The following ADAMTS3 variants were observed in gnomAD, a reference collection of about 807,000 sequenced individuals.
ADAMTS3 encodes A disintegrin and metalloproteinase with thrombospondin motifs 3.
A neutral mutation model predicts 129.0 loss-of-function variants in ADAMTS3; 73 were observed. The observed-to-expected ratio is 0.57, with a 90% CI of 0.47 to 0.69. ADAMTS3 has a LOEUF of 0.69. ADAMTS3 is among the 30% of genes least tolerant of loss of function. ADAMTS3 has a pLI of 0.00. For synonymous variants in ADAMTS3, 477 were observed against 510.8 expected, an observed-to-expected ratio of 0.93 and a Z score of 0.89; for missense variants, 1,457 against 1,514.5, an observed-to-expected ratio of 0.96 and a Z score of 0.63.
intron 10 of ADAMTS3, among the ~76,000 whole-genome samples, chr4:72,316,539 T>A (rs2109803511): frequency 6.6e-6 from 1 of 151,878 alleles, no homozygotes; most frequent in Admixed American, 6.6e-5. Flanking sequence ...CACAAAAAAA[T>A]TGGCCAGGCA....
At chr4:72,322,102 C>T (rs1427022652) in intron 6 of ADAMTS3, among the ~76,000 whole-genome samples, 1 of 152,144 alleles carries the variant, frequency 6.6e-6, no homozygotes, top group Non-Finnish European at 1.5e-5. Flanking sequence ...ATATACGGAT[C>T]ACATACTTTT....
Position 72,282,080 on chromosome 4 carries a change from C to G in ADAMTS3, c.*1056G>C, listed in dbSNP as rs1718361039. ...CCAAAGCTCTACTATACTCAAATAT[C>G]AATTCTAGACTGATGATATTTTTCT... On this transcript the variant is annotated 3_prime_UTR_variant, in exon 22 of 22. Coordinates refer to ENST00000286657, the MANE Select transcript of ADAMTS3 (RefSeq NM_014243.3). 2 of 152,258 alleles carry G rather than the reference C, an allele frequency of 1.3e-5. No homozygotes were observed. The highest frequency in any genetic ancestry group is 4.8e-5 in the African/African-American group (2 of 41,562). The allele number at this position is 152,258 out of a possible 1,614,324, so 9.4% of individuals were successfully genotyped here.
At chr4:72,296,152 G>A (rs566683646) in intron 18 of ADAMTS3, among the ~76,000 whole-genome samples, 1 of 152,106 alleles carries the variant, frequency 6.6e-6, no homozygotes, top group East Asian at 1.9e-4. Context: ...GGAACACAGA[G>A]GGAAGAGATC....
intron 3 of ADAMTS3, among the ~76,000 whole-genome samples, chr4:72,480,191 C>T (rs891159397): frequency 6.6e-6 from 1 of 152,164 alleles, no homozygotes; most frequent in Non-Finnish European, 1.5e-5. Flanking sequence ...CATCCCATTA[C>T]TGGGTATATA....
At chr4:72,550,046 GA>G (rs1168725527) in intron 2 of ADAMTS3, among the ~76,000 whole-genome samples, 220 of 6,124 alleles carry the variant, frequency 0.036, 2 homozygotes, top group Middle Eastern at 0.091. Flanking sequence ...AGAAGAAGAG[GA>G]AGAGGAAGAG....
At chr4:72,320,058 C>A in intron 7 of ADAMTS3, 95 bp from the exon 8 acceptor site, 2 of 961,840 alleles carry the variant, frequency 2.1e-6, no homozygotes, top group Admixed American at 2.1e-5. Flanking sequence ...AAAGTAAAAG[C>A]CTTTCAGGAA....
intron 3 of ADAMTS3, among the ~76,000 whole-genome samples, chr4:72,517,779 A>C (rs1198118251): frequency 7.0e-6 from 1 of 143,418 alleles, no homozygotes; most frequent in Admixed American, 7.1e-5. Flanking sequence ...GATCCTTTCA[A>C]AAAACCAGCT....
intron 3 of ADAMTS3, among the ~76,000 whole-genome samples, chr4:72,429,569 T>C (rs982960132): frequency 3.3e-5 from 5 of 152,068 alleles, no homozygotes; most frequent in Admixed American, 1.3e-4. Flanking sequence ...ATGATCATCC[T>C]GAACCTTCCT....
intron 15 of ADAMTS3, among the ~76,000 whole-genome samples, chr4:72,306,423 G>A (rs1215972216): frequency 6.6e-6 from 1 of 151,872 alleles, no homozygotes; most frequent in Admixed American, 6.6e-5. Context: ...CTTTTGAAGT[G>A]GAGTCAATTT....
rs139575946 is a variant in ADAMTS3 at position 72,548,619 on chromosome 4, G to A, written c.363C>T (p.Thr121=). 158 of 1,613,968 alleles carry A rather than the reference G, an allele frequency of 9.8e-5. 2 individuals carry two copies. In the Middle Eastern group the frequency reaches 9.9e-4, roughly 10 times the overall value. The part of the protein sequence containing the change: ...HETSLVPGNI[T]DPINNHQPGS... Reference sequence around the variant, plus strand: ...CTGGTTGATGGTTGTTAATGGGATCGGTTATATTCCCAGGCACCAGAGATG... The same window carrying A: ...CTGGTTGATGGTTGTTAATGGGATCAGTTATATTCCCAGGCACCAGAGATG... The change falls in exon 3 of 22, where the codon ACC becomes ACT. Residue 121 remains threonine, a synonymous_variant. Coordinates refer to ENST00000286657, the MANE Select transcript of ADAMTS3 (RefSeq NM_014243.3).
intron 4 of ADAMTS3, among the ~76,000 whole-genome samples, chr4:72,408,429 T>C (rs1260650357): frequency 2.6e-5 from 4 of 151,874 alleles, no homozygotes; most frequent in Non-Finnish European, 5.9e-5. Context: ...AAATCCTAAA[T>C]GAACATGTTC....
At chr4:72,350,618 T>C (rs1720409283) in intron 4 of ADAMTS3, among the ~76,000 whole-genome samples, 1 of 151,942 alleles carries the variant, frequency 6.6e-6, no homozygotes, top group Non-Finnish European at 1.5e-5. Context: ...GGGTCTTGCT[T>C]GTAAGATTTA....
intron 5 of ADAMTS3, among the ~76,000 whole-genome samples, chr4:72,333,957 C>A (rs1283898288): frequency 1.4e-5 from 2 of 148,100 alleles, no homozygotes; most frequent in South Asian, 4.5e-4. Flanking sequence ...TTACTTACAC[C>A]ATTGTCCTGC....
chr4:72,350,863 G>A (rs1238423790), intron 4 of ADAMTS3, among the ~76,000 whole-genome samples: 6 of 151,882 alleles, frequency 4.0e-5, no homozygotes, highest in East Asian at 3.9e-4. Context: ...GCGATGATCC[G>A]GACTCAGCTG....
intron 3 of ADAMTS3, among the ~76,000 whole-genome samples, chr4:72,434,200 T>C (rs1722764765): frequency 6.6e-6 from 1 of 151,470 alleles, no homozygotes. Context: ...GGCACCTAAG[T>C]TTTTTAGGTC....
chr4:72,477,680 A>T (rs1454679323), intron 3 of ADAMTS3, among the ~76,000 whole-genome samples: 1 of 152,164 alleles, frequency 6.6e-6, no homozygotes, highest in Non-Finnish European at 1.5e-5. Context: ...AAGGCAAGAA[A>T]TAACTAAAAT....
chr4:72,425,285 G>T (rs1722542558), intron 3 of ADAMTS3, among the ~76,000 whole-genome samples: 2 of 151,832 alleles, frequency 1.3e-5, no homozygotes, highest in Non-Finnish European at 1.5e-5. Context: ...ACTGTCCAAT[G>T]GTCACAAAAA....
At chr4:72,383,633 T>C (rs1408472332) in intron 4 of ADAMTS3, among the ~76,000 whole-genome samples, 10 of 152,142 alleles carry the variant, frequency 6.6e-5, no homozygotes, top group Non-Finnish European at 4.4e-5. Context: ...CTAAAAGGAA[T>C]GCAGAGGGGT....
chr4:72,523,955 T>C (rs1049478991), intron 3 of ADAMTS3, among the ~76,000 whole-genome samples: 5 of 152,060 alleles, frequency 3.3e-5, no homozygotes, highest in African/African-American at 1.2e-4. Flanking sequence ...AAGATCTAAT[T>C]TTTATTCTTT....
Sources: gnomAD v4.1 joint callset for allele counts (sites outside exome capture counted in the v4.1 genomes callset) on GRCh38, gnomAD v4.1.1 for gene constraint, MANE v1.5 for transcripts, NCBI Gene and HGNC (gene_info 2026-07-23, HGNC 2026-07-21) for gene names.